The following UPP2 variants were observed in gnomAD, a reference collection of about 807,000 sequenced individuals.
The protein encoded by UPP2 is uridine phosphorylase 2.
A neutral mutation model predicts 26.7 loss-of-function variants in UPP2; 23 were observed. The ratio of observed to expected loss-of-function variants is 0.86; its 90% CI spans 0.62 to 1.22. The LOEUF is 1.22. UPP2 is among the 50% of genes most tolerant of loss of function. The probability of loss-of-function intolerance (pLI) is 0.00; values close to 1 mark genes in which losing one functional copy is unlikely to be tolerated. For synonymous variants in UPP2, 127 were observed against 141.3 expected (o/e 0.90, Z 0.72); for missense variants, 387 against 396.7 (o/e 0.98, Z 0.21).
intron 2 of UPP2, among the ~76,000 whole-genome samples, chr2:158,106,978 C>T (rs892739522): frequency 6.6e-6 from 1 of 152,162 alleles, no homozygotes; most frequent in Non-Finnish European, 1.5e-5. Context: ...TAACATTTCT[C>T]CATATTATTA....
At chr2:158,031,475 G>A (rs1011240621) in intron 3 of UPP2, among the ~76,000 whole-genome samples, 6 of 152,178 alleles carry the variant, frequency 3.9e-5, no homozygotes, top group Non-Finnish European at 7.3e-5. Flanking sequence ...AGGGACTTCC[G>A]AGATTTTGAG....
intron 1 of UPP2, among the ~76,000 whole-genome samples, chr2:158,103,616 T>C (rs1683121062): frequency 1.3e-5 from 2 of 152,294 alleles, no homozygotes; most frequent in African/African-American, 4.8e-5. Flanking sequence ...TTCCAGGTCG[T>C]GAAAGTAGTC....
At chr2:158,131,102 C>G (rs141865616) in intron 6 of UPP2, among the ~76,000 whole-genome samples, 1 of 152,144 alleles carries the variant, frequency 6.6e-6, no homozygotes, top group Non-Finnish European at 1.5e-5. Flanking sequence ...GCTTTACATA[C>G]CAGGCATATA....
chr2:158,041,264 G>C (rs1036389416), intron 3 of UPP2, among the ~76,000 whole-genome samples: 2 of 152,018 alleles, frequency 1.3e-5, no homozygotes, highest in Non-Finnish European at 1.5e-5. Flanking sequence ...AAATCATTTA[G>C]TATTTATTTT....
intron 3 of UPP2, among the ~76,000 whole-genome samples, chr2:158,082,462 T>C (rs1024290164): frequency 6.6e-6 from 1 of 152,154 alleles, no homozygotes; most frequent in African/African-American, 2.4e-5. Flanking sequence ...ATGTGTGGTT[T>C]TCCATTCCTG....
intron 3 of UPP2, among the ~76,000 whole-genome samples, chr2:158,091,329 G>A (rs183780055): frequency 2.8e-3 from 432 of 152,268 alleles, no homozygotes; most frequent in South Asian, 6.6e-3. Flanking sequence ...GTAATGGGAA[G>A]ATTAGCACTT....
chr2:158,067,705 C>A (rs1682460687), intron 3 of UPP2, among the ~76,000 whole-genome samples: 1 of 152,016 alleles, frequency 6.6e-6, no homozygotes, highest in Non-Finnish European at 1.5e-5. Flanking sequence ...ATTCCTGAAA[C>A]TCACTTATTT....
chr2:158,064,779 G>A (rs986670838), intron 3 of UPP2, among the ~76,000 whole-genome samples: 14 of 152,222 alleles, frequency 9.2e-5, no homozygotes, highest in Middle Eastern at 3.4e-3. Flanking sequence ...GTGTAAGGAA[G>A]GGGTCCAGTT....
chr2:158,074,271 A>G (rs941981759), intron 3 of UPP2, among the ~76,000 whole-genome samples: 1 of 152,226 alleles, frequency 6.6e-6, no homozygotes, highest in African/African-American at 2.4e-5. Context: ...AGAAAAGCAC[A>G]GAATATTATA....
At chr2:158,028,066 C>A (rs1228908454) in intron 3 of UPP2, among the ~76,000 whole-genome samples, 1 of 152,098 alleles carries the variant, frequency 6.6e-6, no homozygotes, top group Non-Finnish European at 1.5e-5. Flanking sequence ...CTCTGACATG[C>A]CCTGGAGACA....
intron 3 of UPP2, among the ~76,000 whole-genome samples, chr2:158,048,190 C>G (rs1682076021): frequency 6.6e-6 from 1 of 152,150 alleles, no homozygotes. Flanking sequence ...GGATTGCATT[C>G]TGTGTGGCTG....
intron 3 of UPP2, among the ~76,000 whole-genome samples, chr2:158,027,311 AC>A (rs1683847982): frequency 6.6e-6 from 1 of 152,172 alleles, no homozygotes; most frequent in Non-Finnish European, 1.5e-5. Context: ...TTGGGTAAAT[AC>A]AGCCATTCCA....
intron 3 of UPP2, among the ~76,000 whole-genome samples, chr2:158,083,295 T>C (rs992056068): frequency 6.6e-6 from 1 of 152,168 alleles, no homozygotes; most frequent in African/African-American, 2.4e-5. Flanking sequence ...AGCAAAGACT[T>C]GGAACCAACC....
intron 2 of UPP2, among the ~76,000 whole-genome samples, chr2:158,015,226 C>T (rs1272934074): frequency 1.3e-5 from 2 of 152,126 alleles, no homozygotes; most frequent in Non-Finnish European, 2.9e-5. Flanking sequence ...ACCCATTAAA[C>T]AACAACTTCC....
chr2:158,008,487 A>G (rs972380521), intron 2 of UPP2, among the ~76,000 whole-genome samples: 3 of 152,174 alleles, frequency 2.0e-5, no homozygotes, highest in Non-Finnish European at 4.4e-5. Context: ...CTAACCTTGG[A>G]ATTTTTCTTA....
upstream of UPP2, among the ~76,000 whole-genome samples, chr2:158,097,834 G>A (rs1683011880): frequency 6.6e-6 from 1 of 152,116 alleles, no homozygotes; most frequent in African/African-American, 2.4e-5. Flanking sequence ...TTGTCCTAGG[G>A]ATATCATTCT....
chr2:158,090,236 C>G (rs1682885575), intron 3 of UPP2, among the ~76,000 whole-genome samples: 1 of 152,190 alleles, frequency 6.6e-6, no homozygotes, highest in African/African-American at 2.4e-5. Flanking sequence ...GGCACAGTGG[C>G]TCACTCCTGT....
At chr2:158,045,615 C>T (rs1302065805) in intron 3 of UPP2, among the ~76,000 whole-genome samples, 1 of 152,166 alleles carries the variant, frequency 6.6e-6, no homozygotes, top group Non-Finnish European at 1.5e-5. Flanking sequence ...GTGAGATAAA[C>T]TTCCTGATGT....
intron 5 of UPP2, among the ~76,000 whole-genome samples, chr2:158,122,663 T>C (rs919778407): frequency 6.6e-6 from 1 of 152,204 alleles, no homozygotes; most frequent in Non-Finnish European, 1.5e-5. Context: ...GGAGATTTTA[T>C]ATTAACACCC....
Sources: gnomAD v4.1 joint callset for allele counts (sites outside exome capture counted in the v4.1 genomes callset) on GRCh38, gnomAD v4.1.1 for gene constraint, MANE v1.5 for transcripts, NCBI Gene and HGNC (gene_info 2026-07-23, HGNC 2026-07-21) for gene names.